Variants in UEVLD observed in about 807,000 individuals in gnomAD.
UEVLD encodes UEV and lactate/malate dehyrogenase domains, also known as ubiquitin-conjugating enzyme E2 variant 3.
A neutral mutation model predicts 58.6 loss-of-function variants in UEVLD; 47 were observed. That is an observed-to-expected ratio of 0.80 (90% CI 0.63 to 1.02). The LOEUF (loss-of-function observed/expected upper bound fraction) is 1.02, where lower values mean the gene tolerates loss of function less well. Ranked by LOEUF, UEVLD falls within the 50% of genes least tolerant of loss-of-function variation. The pLI, the probability that UEVLD is intolerant of heterozygous loss-of-function variation, is 0.00. For missense variants in UEVLD, 510 were observed against 550.6 expected (o/e 0.93, Z 0.74); for synonymous variants, 197 against 195.3 (o/e 1.01, Z -0.07).
At chr11:18,568,091 G>A (rs1013428700) in intron 4 of UEVLD, among the ~76,000 whole-genome samples, 1 of 152,206 alleles carries the variant, frequency 6.6e-6, no homozygotes, top group African/African-American at 2.4e-5. Flanking sequence ...GGTACAGTGA[G>A]CTATGATTGT....
At chr11:18,560,038 T>A (rs938289795) in intron 6 of UEVLD, among the ~76,000 whole-genome samples, 1 of 138,502 alleles carries the variant, frequency 7.2e-6, no homozygotes, top group African/African-American at 2.6e-5. Flanking sequence ...GGGCATAGGC[T>A]GGAGTCCAGG....
At chr11:18,575,555 G>C in intron 2 of UEVLD, 143 bp from the exon 3 acceptor site, 1 of 760,014 alleles carries the variant, frequency 1.3e-6, no homozygotes, top group Non-Finnish European at 2.0e-6. Flanking sequence ...TCTAGGAATC[G>C]GTAAATCTGT....
intron 3 of UEVLD, among the ~76,000 whole-genome samples, chr11:18,573,448 A>G (rs577617109): frequency 6.6e-6 from 1 of 152,280 alleles, no homozygotes; most frequent in Admixed American, 6.5e-5. Flanking sequence ...TAAATTCAGA[A>G]TACAACTTAA....
chr11:18,537,175 A>G (rs552129607), intron 9 of UEVLD, among the ~76,000 whole-genome samples: 49 of 151,886 alleles, frequency 3.2e-4, no homozygotes, highest in African/African-American at 1.2e-3. Context: ...CTAGGATTAC[A>G]GGCTTGAGCC....
chr11:18,569,104 CA>C (rs1852455363), intron 4 of UEVLD, among the ~76,000 whole-genome samples: 1 of 152,140 alleles, frequency 6.6e-6, no homozygotes, highest in Non-Finnish European at 1.5e-5. Context: ...CTGCGTTAGC[CA>C]AGATGGTCTC....
intron 7 of UEVLD, among the ~76,000 whole-genome samples, chr11:18,552,335 A>G (rs1851563030): frequency 6.6e-6 from 1 of 152,052 alleles, no homozygotes; most frequent in Non-Finnish European, 1.5e-5. Context: ...ACTTGAGGCC[A>G]CGAGTTTTGA....
chr11:18,552,280 C>T (rs1851560411), intron 7 of UEVLD, among the ~76,000 whole-genome samples: 1 of 152,248 alleles, frequency 6.6e-6, no homozygotes, highest in South Asian at 2.1e-4. Flanking sequence ...TGCAGTGGCT[C>T]ACGCCTATAA....
intron 9 of UEVLD, chr11:18,538,867 C>T (rs1850927955): frequency 6.7e-6 from 1 of 149,948 alleles, no homozygotes; most frequent in African/African-American, 2.4e-5. Flanking sequence ...CCCATCTCTA[C>T]TAAAAATACA....
At chr11:18,587,380 A>G (rs1321977284) in intron 1 of UEVLD, among the ~76,000 whole-genome samples, 1 of 152,220 alleles carries the variant, frequency 6.6e-6, no homozygotes, top group African/African-American at 2.4e-5. Flanking sequence ...TCACTTACAT[A>G]AACAATTTCA....
Position 18,568,388 on chromosome 11 carries a change from G to A in UEVLD, c.357+1826C>T, listed in dbSNP as rs555731287. Reference sequence around the variant, plus strand: ...TACTACTCGAGGATAGTTTTGTTTTGTTTTGTTTAAAGAAGGGTGTAACAA... The same window carrying A: ...TACTACTCGAGGATAGTTTTGTTTTATTTTGTTTAAAGAAGGGTGTAACAA... On this transcript the variant is annotated intron_variant, in intron 4 of 11. Transcript: ENST00000396197. Among the ~76,000 whole-genome samples, 7 of 152,286 alleles carry A rather than the reference G, an allele frequency of 4.6e-5. No individual in the cohort carries two copies. The South Asian group carries it at 1.5e-3, about 32-fold the overall frequency.
At chr11:18,565,047 A>G (rs1852229163) in intron 5 of UEVLD, 37 bp from the exon 6 acceptor site, 1 of 1,475,460 alleles carries the variant, frequency 6.8e-7, no homozygotes, top group African/African-American at 1.4e-5. Flanking sequence ...GAATTCAAAA[A>G]TATCAAGAAT....
intron 1 of UEVLD, among the ~76,000 whole-genome samples, chr11:18,584,590 A>G (rs1234245072): frequency 2.0e-5 from 3 of 152,150 alleles, no homozygotes; most frequent in Non-Finnish European, 4.4e-5. Flanking sequence ...GTTTTTAAAA[A>G]ATGCTTATTT....
At chr11:18,558,133 C>A in intron 7 of UEVLD, 95 bp downstream of exon 7, 1 of 788,394 alleles carries the variant, frequency 1.3e-6, no homozygotes, top group South Asian at 2.7e-5. Context: ...GAGACTTGGA[C>A]AAGGTGATCT....
chr11:18,580,408 T>C (rs1357563577), intron 1 of UEVLD, among the ~76,000 whole-genome samples: 1 of 152,124 alleles, frequency 6.6e-6, no homozygotes, highest in Non-Finnish European at 1.5e-5. Flanking sequence ...AAAACTTGTA[T>C]GCAATTGTTC....
At chr11:18,532,516 G>T in intron 11 of UEVLD, 29 bp from the exon 12 acceptor site, 1 of 1,508,510 alleles carries the variant, frequency 6.6e-7, no homozygotes, top group East Asian at 2.4e-5. Context: ...GGATTTAATA[G>T]AACTAAATCA....
chr11:18,562,554 A>G (rs1852092655), intron 6 of UEVLD, among the ~76,000 whole-genome samples: 1 of 151,874 alleles, frequency 6.6e-6, no homozygotes, highest in Non-Finnish European at 1.5e-5. Context: ...AAGAAAAAAA[A>G]AAAAATTTTT....
At chr11:18,545,687 C>G (rs1187460212) in intron 8 of UEVLD, among the ~76,000 whole-genome samples, 2 of 151,968 alleles carry the variant, frequency 1.3e-5, no homozygotes, top group East Asian at 3.9e-4. Context: ...TCAGGTGATC[C>G]ACCTGCCTCG....
At position 18,533,771 on chromosome 11, in the gene UEVLD, C is replaced by G. The variant is rs542118072; in HGVS notation, c.1248+559G>C. On this transcript the variant is annotated intron_variant, in intron 11 of 11. Coordinates refer to ENST00000396197, the MANE Select transcript of UEVLD (RefSeq NM_001040697.4). ...GTTGCAGAGGTGCTCACTGCAACCT[C>G]CGCCTCCCGAGTAGCTGGGATTACA... is the stretch of plus-strand genomic sequence containing the variant. Among the ~76,000 whole-genome samples the G allele has an allele frequency of 2.0e-5, 3 of 152,252 alleles. No individual in the cohort carries two copies. The South Asian group carries it at 6.2e-4, about 32-fold the overall frequency.
chr11:18,537,947 G>A (rs1407133935), intron 9 of UEVLD, among the ~76,000 whole-genome samples: 1 of 152,124 alleles, frequency 6.6e-6, no homozygotes, highest in South Asian at 2.1e-4. Context: ...ACAGGCGTAA[G>A]CCACTGAGCC....
Sources: gnomAD v4.1 joint callset for allele counts (sites outside exome capture counted in the v4.1 genomes callset) on GRCh38, gnomAD v4.1.1 for gene constraint, MANE v1.5 for transcripts, NCBI Gene and HGNC (gene_info 2026-07-23, HGNC 2026-07-21) for gene names.